Variants in NKAIN3 observed in about 807,000 individuals in gnomAD.
NKAIN3 encodes sodium/potassium transporting ATPase interacting 3, also known as sodium/potassium-transporting ATPase subunit beta-1-interacting protein 3.
In NKAIN3, 25 loss-of-function variants were observed where a neutral mutation model predicts 30.2. The ratio of observed to expected loss-of-function variants is 0.83; its 90% CI spans 0.60 to 1.16. The LOEUF (loss-of-function observed/expected upper bound fraction) is 1.16. Ranked by LOEUF, NKAIN3 falls within the 50% of genes most tolerant of loss-of-function variation. The pLI, the probability that NKAIN3 is intolerant of heterozygous loss-of-function variation, is 0.00. For missense variants in NKAIN3, 225 were observed against 254.1 expected (o/e 0.89, Z 0.78); for synonymous variants, 91 against 89.6 (o/e 1.02, Z -0.09).
intron 1 of NKAIN3, among the ~76,000 whole-genome samples, chr8:62,567,406 G>T (rs1809791755): frequency 6.6e-6 from 1 of 152,188 alleles, no homozygotes; most frequent in African/African-American, 2.4e-5. Context: ...GCAGAATATT[G>T]GTCCCAAAGA....
At chr8:62,744,503 G>C (rs1477304633) in intron 3 of NKAIN3, among the ~76,000 whole-genome samples, 1 of 152,152 alleles carries the variant, frequency 6.6e-6, no homozygotes, top group East Asian at 1.9e-4. Context: ...CAATAGGAAA[G>C]GTCGCTGGGT....
intron 1 of NKAIN3, among the ~76,000 whole-genome samples, chr8:62,410,255 C>A (rs115999231): frequency 1.0e-3 from 154 of 152,312 alleles, no homozygotes; most frequent in African/African-American, 3.5e-3. Context: ...TAATGGCCTC[C>A]AGTGCCACAC....
intron 1 of NKAIN3, among the ~76,000 whole-genome samples, chr8:62,348,605 C>G (rs1359960536): frequency 1.3e-5 from 2 of 152,144 alleles, no homozygotes; most frequent in African/African-American, 4.8e-5. Context: ...ATGGGACTAT[C>G]TAGCTGCTAT....
At chr8:62,474,909 A>T (rs1424475901) in intron 1 of NKAIN3, among the ~76,000 whole-genome samples, 1 of 152,192 alleles carries the variant, frequency 6.6e-6, no homozygotes, top group African/African-American at 2.4e-5. Context: ...GTCAATTAAA[A>T]TTTCTTACAG....
chr8:62,804,727 T>C (rs1041297887), intron 4 of NKAIN3, among the ~76,000 whole-genome samples: 2 of 152,152 alleles, frequency 1.3e-5, no homozygotes, highest in African/African-American at 2.4e-5. Flanking sequence ...AGCATTCCCT[T>C]TGAAAACTGG....
chr8:62,860,095 T>C (rs184733788), intron 4 of NKAIN3, among the ~76,000 whole-genome samples: 81 of 152,322 alleles, frequency 5.3e-4, no homozygotes, highest in Middle Eastern at 6.8e-3. Context: ...AGGTGGGTAA[T>C]AGTGCTTGAC....
At chr8:62,641,673 TG>T (rs1812311090) in intron 3 of NKAIN3, among the ~76,000 whole-genome samples, 1 of 152,124 alleles carries the variant, frequency 6.6e-6, no homozygotes, top group Non-Finnish European at 1.5e-5. Flanking sequence ...GCTCATTGAT[TG>T]ATAAAGTGAG....
intron 4 of NKAIN3, among the ~76,000 whole-genome samples, chr8:62,804,985 C>G (rs1187953977): frequency 2.0e-5 from 3 of 152,190 alleles, no homozygotes; most frequent in African/African-American, 4.8e-5. Flanking sequence ...ACAAAAATCA[C>G]AATCATTCTT....
At chr8:62,617,982 A>G (rs1031974972) in intron 3 of NKAIN3, among the ~76,000 whole-genome samples, 8 of 152,222 alleles carry the variant, frequency 5.3e-5, no homozygotes, top group Non-Finnish European at 1.0e-4. Context: ...TGTGAATTCA[A>G]GCATCAAAGA....
At chr8:62,698,728 A>G (rs896966312) in intron 3 of NKAIN3, among the ~76,000 whole-genome samples, 8 of 152,200 alleles carry the variant, frequency 5.3e-5, no homozygotes, top group African/African-American at 1.9e-4. Flanking sequence ...ATATTCATGA[A>G]TCATAAAGTT....
chr8:62,307,122 C>T (rs1814270837), intron 1 of NKAIN3, among the ~76,000 whole-genome samples: 1 of 149,870 alleles, frequency 6.7e-6, no homozygotes, highest in African/African-American at 2.5e-5. Context: ...TCTCCTGCAC[C>T]CCATGAGTCC....
intron 5 of NKAIN3, among the ~76,000 whole-genome samples, chr8:62,942,059 G>A (rs970763377): frequency 2.0e-5 from 3 of 151,670 alleles, no homozygotes; most frequent in Non-Finnish European, 4.4e-5. Context: ...AATAAATTCA[G>A]TAAAGTTTCA....
intron 1 of NKAIN3, among the ~76,000 whole-genome samples, chr8:62,298,007 G>C (rs558313982): frequency 6.6e-6 from 1 of 152,112 alleles, no homozygotes; most frequent in South Asian, 2.1e-4. Flanking sequence ...AAAATGATGA[G>C]TTCATGTCCT....
chr8:62,371,199 G>A (rs1816897232), intron 1 of NKAIN3, among the ~76,000 whole-genome samples: 1 of 151,550 alleles, frequency 6.6e-6, no homozygotes, highest in African/African-American at 2.4e-5. Flanking sequence ...TGTTTTAAAG[G>A]CAGCCTGTTT....
intron 6 of NKAIN3, among the ~76,000 whole-genome samples, chr8:62,957,863 G>A (rs1035193695): frequency 1.3e-5 from 2 of 152,096 alleles, no homozygotes; most frequent in Non-Finnish European, 1.5e-5. Context: ...GATAGGCTTC[G>A]AGTGACTATA....
chr8:62,664,848 C>G (rs879537668), intron 3 of NKAIN3, among the ~76,000 whole-genome samples: 1 of 152,188 alleles, frequency 6.6e-6, no homozygotes, highest in Non-Finnish European at 1.5e-5. Flanking sequence ...AAAGAATGCT[C>G]TAAATGTTGA....
At chr8:62,655,362 C>T (rs556495317) in intron 3 of NKAIN3, among the ~76,000 whole-genome samples, 7 of 152,108 alleles carry the variant, frequency 4.6e-5, no homozygotes, top group African/African-American at 7.2e-5. Flanking sequence ...TGATATAATT[C>T]GATTTTAATT....
chr8:62,881,012 A>G (rs542336862), intron 4 of NKAIN3, among the ~76,000 whole-genome samples: 3 of 152,314 alleles, frequency 2.0e-5, no homozygotes, highest in South Asian at 4.1e-4. Flanking sequence ...CAATTTTGCT[A>G]TGACCGTAAA....
intron 3 of NKAIN3, among the ~76,000 whole-genome samples, chr8:62,680,339 CATCTGTTTT>C (rs985896358): frequency 2.4e-4 from 36 of 152,146 alleles, no homozygotes; most frequent in Admixed American, 2.0e-4. Flanking sequence ...CAGCCAAAAC[CATCTGTTTT>C]CCTACCTGCA....
Sources: allele counts gnomAD v4.1 joint callset (sites outside exome capture counted in the v4.1 genomes callset), GRCh38; gene constraint gnomAD v4.1.1; transcripts MANE v1.5; gene names NCBI Gene and HGNC (gene_info 2026-07-23, HGNC 2026-07-21).